TXLNB: variants seen among roughly 807,000 people sequenced by gnomAD.
The protein encoded by TXLNB is beta-taxilin.
In TXLNB, 37 loss-of-function variants were observed where a neutral mutation model predicts 57.4. The ratio of observed to expected loss-of-function variants is 0.64; its 90% CI spans 0.50 to 0.85. TXLNB has a LOEUF of 0.85. TXLNB is among the 40% of genes least tolerant of loss of function. The pLI is 0.00. For missense variants in TXLNB, 848 were observed against 825.6 expected (o/e 1.03, Z -0.33); for synonymous variants, 302 against 309.6 (o/e 0.98, Z 0.26).
chr6:139,204,547 A>T, the TXLNB span, among the ~76,000 whole-genome samples: 3 of 152,136 alleles, frequency 2.0e-5, no homozygotes, highest in African/African-American at 7.2e-5. Context: ...GAATTTTGTG[A>T]CAGGATTTTG....
chr6:139,171,946 TCAGCCTCATGAGTAGCTGGGA>T, the TXLNB span, among the ~76,000 whole-genome samples: 1 of 151,916 alleles, frequency 6.6e-6, no homozygotes, highest in East Asian at 1.9e-4. Context: ...TTCTCCTGCC[TCAGCCTCATGAGTAGCTGGGA>T]CTACAGGCGC....
chr6:139,321,276 A>G, the TXLNB span, among the ~76,000 whole-genome samples: 2 of 152,114 alleles, frequency 1.3e-5, no homozygotes, highest in Admixed American at 6.6e-5. Flanking sequence ...TGGGTCATGA[A>G]GGTAGAGCCT....
chr6:139,167,923 G>A, the TXLNB span, among the ~76,000 whole-genome samples: 1 of 152,132 alleles, frequency 6.6e-6, no homozygotes, highest in African/African-American at 2.4e-5. Flanking sequence ...GCCATAAATT[G>A]AATGACACGA....
intron 3 of TXLNB, among the ~76,000 whole-genome samples, chr6:139,272,043 T>C (rs1776777815): frequency 6.6e-6 from 1 of 152,002 alleles, no homozygotes; most frequent in African/African-American, 2.4e-5. Context: ...GCGTGGTGGC[T>C]CATGCCTGTA....
At chr6:139,294,237 A>G (rs1383330826), upstream of TXLNB, among the ~76,000 whole-genome samples, 1 of 152,228 alleles carries the variant, frequency 6.6e-6, no homozygotes, top group East Asian at 1.9e-4. Flanking sequence ...TGCTTGCAAC[A>G]TGAATACTCT....
At chr6:139,244,336 T>G (rs891656105) in intron 9 of TXLNB, among the ~76,000 whole-genome samples, 17 of 152,304 alleles carry the variant, frequency 1.1e-4, no homozygotes, top group African/African-American at 4.1e-4. Flanking sequence ...AGGGGACAGC[T>G]GCCCTGGGTA....
At chr6:139,289,333 C>T (rs570681040) in intron 1 of TXLNB, among the ~76,000 whole-genome samples, 3 of 142,312 alleles carry the variant, frequency 2.1e-5, no homozygotes, top group South Asian at 4.7e-4. Flanking sequence ...TCACGTACCC[C>T]CTGCTTGCTC....
intron 6 of TXLNB, among the ~76,000 whole-genome samples, chr6:139,257,657 TAAG>T (rs1776378922): frequency 6.6e-6 from 1 of 152,180 alleles, no homozygotes. Context: ...GGCTATCAAT[TAAG>T]AAGTTTCTCT....
the TXLNB span, chr6:139,203,611 CT>C: frequency 6.6e-6 from 1 of 152,326 alleles, no homozygotes; most frequent in South Asian, 2.1e-4. Flanking sequence ...CTACCCATCT[CT>C]TAAGTCTTCT....
In TXLNB at chr6:139,262,670, T is replaced by G. The variant is rs766966612; in HGVS notation, c.791A>C (p.Gln264Pro). ...LTDIQGQIEQ[Q>P]SERNMKLCQE... Reference sequence around the variant, plus strand: ...ACAGAGCTTCATATTTCGCTCACTCTGCTGCTCGATCTGGCCCTGGATGTC... The same window carrying G: ...ACAGAGCTTCATATTTCGCTCACTCGGCTGCTCGATCTGGCCCTGGATGTC... The change falls in exon 5 of 10, where the codon CAG (glutamine) becomes CCG (proline). Residue 264 changes from glutamine (Q) to proline (P), a missense_variant. By Grantham distance (76) the Gln-to-Pro change is moderately conservative (BLOSUM62 -1). Coordinates refer to ENST00000358430, the MANE Select transcript of TXLNB (RefSeq NM_153235.4). 6.2e-7 allele frequency: 1 copy of G among 1,614,234 alleles called. No individual in the cohort carries two copies. Among genetic ancestry groups the G allele is most frequent in the Non-Finnish European group, 8.5e-7 (1 of 1,180,038 alleles).
chr6:139,219,229 A>G, the TXLNB span, among the ~76,000 whole-genome samples: 1 of 152,224 alleles, frequency 6.6e-6, no homozygotes, highest in African/African-American at 2.4e-5. Flanking sequence ...AGTGGTAAAC[A>G]ATCACTCAAG....
chr6:139,181,579 T>G, the TXLNB span, among the ~76,000 whole-genome samples: 1 of 152,226 alleles, frequency 6.6e-6, no homozygotes, highest in East Asian at 1.9e-4. Flanking sequence ...GTAATGCTAG[T>G]GTACTCATAC....
chr6:139,190,164 G>A, the TXLNB span, among the ~76,000 whole-genome samples: 2 of 152,106 alleles, frequency 1.3e-5, no homozygotes, highest in Non-Finnish European at 2.9e-5. Flanking sequence ...TTCTTAGTCT[G>A]TTCAGGCTGC....
the TXLNB span, among the ~76,000 whole-genome samples, chr6:139,210,652 T>C: frequency 5.9e-5 from 9 of 152,206 alleles, no homozygotes; most frequent in African/African-American, 2.2e-4. Context: ...GTGGGTGCAG[T>C]GCACCGTGCG....
At chr6:139,294,076 A>G (rs948524975), upstream of TXLNB, among the ~76,000 whole-genome samples, 5 of 152,232 alleles carry the variant, frequency 3.3e-5, no homozygotes, top group Admixed American at 1.3e-4. Flanking sequence ...TACATGTACT[A>G]AAATGAAAAT....
At chr6:139,285,594 T>C (rs7752068) in intron 2 of TXLNB, among the ~76,000 whole-genome samples, 33,274 of 144,254 alleles carry the variant, frequency 0.23, 8,087 homozygotes, top group African/African-American at 0.47. Context: ...CTGAGTTCTT[T>C]TAATTTTATC....
At chr6:139,185,878 A>G in the TXLNB span, among the ~76,000 whole-genome samples, 2 of 151,940 alleles carry the variant, frequency 1.3e-5, no homozygotes, top group East Asian at 3.9e-4. Context: ...TCTCTTTCCT[A>G]CTTTGTCCTT....
Position 139,242,707 on chromosome 6 carries a change from T to C in TXLNB, c.1874A>G (p.Lys625Arg). Residue 625 changes from lysine (K) to arginine (R), a missense_variant, in exon 10 of 10, where the codon AAG (lysine) becomes AGG (arginine). Coordinates refer to ENST00000358430, the MANE Select transcript of TXLNB (RefSeq NM_153235.4). ...TGGAGCAGGCACATCTGCCTCCATC[T>C]TCTGTAGGGAGGCCTCGGTGGGAGC... is the stretch of plus-strand genomic sequence containing the variant. ...PQAPTEASLQKMEADVPAPAC... is the reference protein window; with the variant it reads ...PQAPTEASLQRMEADVPAPAC... 6 of 1,611,598 alleles carry C rather than the reference T, an allele frequency of 3.7e-6. No homozygotes were observed. The highest frequency in any genetic ancestry group is 4.2e-6 in the Non-Finnish European group (5 of 1,179,200).
At chr6:139,169,148 C>G in the TXLNB span, among the ~76,000 whole-genome samples, 15 of 152,064 alleles carry the variant, frequency 9.9e-5, no homozygotes, top group African/African-American at 3.4e-4. Context: ...TGTATTATTT[C>G]TTTGACAATT....
Sources: gnomAD v4.1 joint callset for allele counts (sites outside exome capture counted in the v4.1 genomes callset) on GRCh38, gnomAD v4.1.1 for gene constraint, MANE v1.5 for transcripts, NCBI Gene and HGNC (gene_info 2026-07-23, HGNC 2026-07-21) for gene names.